The following MIA2 variants were observed in gnomAD, a reference collection of about 807,000 sequenced individuals.
MIA2 encodes the protein melanoma inhibitory activity protein 2.
MIA2 carries 127 observed loss-of-function variants against 167.8 expected under a neutral mutation model. The ratio of observed to expected loss-of-function variants is 0.76; its 90% CI spans 0.66 to 0.88. The LOEUF (loss-of-function observed/expected upper bound fraction) is 0.88. Among genes scored for constraint, MIA2 ranks in the 40% least tolerant of loss-of-function variants. The pLI, the probability that MIA2 is intolerant of heterozygous loss-of-function variation, is 0.00. For synonymous variants in MIA2, 552 were observed against 541.9 expected, an observed-to-expected ratio of 1.02 and a Z score of -0.26; for missense variants, 1,690 against 1,624.7, an observed-to-expected ratio of 1.04 and a Z score of -0.69.
downstream of MIA2, among the ~76,000 whole-genome samples, chr14:39,356,260 C>A (rs1339795994): frequency 2.0e-5 from 3 of 152,164 alleles, no homozygotes; most frequent in Admixed American, 2.0e-4. Flanking sequence ...AGAGATTCAA[C>A]TTCTTCCTGG....
At chr14:39,244,358 A>C (rs749302130) in intron 3 of MIA2, among the ~76,000 whole-genome samples, 1 of 152,178 alleles carries the variant, frequency 6.6e-6, no homozygotes, top group Admixed American at 6.5e-5. Context: ...TGATGCCTTC[A>C]TTTCAGGGGT....
intron 6 of MIA2, among the ~76,000 whole-genome samples, chr14:39,257,356 T>C (rs2054866103): frequency 6.6e-6 from 1 of 152,216 alleles, no homozygotes; most frequent in East Asian, 1.9e-4. Flanking sequence ...TTTCTTTTTT[T>C]TGATCTTTGT....
At chr14:39,291,251 G>T in intron 10 of MIA2, 155 bp downstream of exon 10, 1 of 556,704 alleles carries the variant, frequency 1.8e-6, no homozygotes, top group Non-Finnish European at 2.9e-6. Flanking sequence ...ATAGGAAATG[G>T]GACAATAGGA....
chr14:39,322,700 T>TGTACCTG (rs2066697915), intron 24 of MIA2, among the ~76,000 whole-genome samples: 1 of 152,164 alleles, frequency 6.6e-6, no homozygotes, highest in African/African-American at 2.4e-5. Flanking sequence ...AAAACTCCTG[T>TGTACCTG]GTACCTGGAG....
intron 6 of MIA2, chr14:39,265,271 G>A (rs2055414384): frequency 5.1e-6 from 4 of 783,660 alleles, no homozygotes; most frequent in Admixed American, 2.6e-5. Flanking sequence ...GTCAAAACGG[G>A]ATCACAGTGT....
At chr14:39,277,700 A>T (rs1161061946) in intron 7 of MIA2, among the ~76,000 whole-genome samples, 13 of 6,222 alleles carry the variant, frequency 2.1e-3, no homozygotes, top group African/African-American at 7.5e-3. Flanking sequence ...GTGTATATAT[A>T]TATATATATA....
At chr14:39,305,935 CAAA>C (rs11285736) in intron 17 of MIA2, among the ~76,000 whole-genome samples, 11 of 125,546 alleles carry the variant, frequency 8.8e-5, no homozygotes, top group Non-Finnish European at 1.2e-4. Context: ...GACTTTGTCT[CAAA>C]AAAAAAAAAA....
rs1466275628 is a variant in MIA2 at position 39,240,541 on chromosome 14, T to C, written c.250-20T>C. 1.3e-6 allele frequency: 2 copies of C among 1,575,238 alleles called. No individual in the cohort carries two copies. The highest frequency in any genetic ancestry group is 1.7e-6 in the Non-Finnish European group (2 of 1,146,614). On this transcript the variant is annotated intron_variant, in intron 2 of 28. Coordinates refer to ENST00000640607, the MANE Select transcript of MIA2 (RefSeq NM_001329214.4). ...CTTTGATCATTCTTCCTCGATAATC[T>C]TTGTTCTTCATTTTGACAGAAAGGA... is the stretch of plus-strand genomic sequence containing the variant.
At chr14:39,280,567 C>T (rs926766689) in intron 9 of MIA2, among the ~76,000 whole-genome samples, 1 of 151,988 alleles carries the variant, frequency 6.6e-6, no homozygotes, top group Non-Finnish European at 1.5e-5. Context: ...CCCGTCCCTA[C>T]TAAAAATACA....
intron 24 of MIA2, among the ~76,000 whole-genome samples, chr14:39,325,233 A>C (rs2067247168): frequency 6.6e-6 from 1 of 151,974 alleles, no homozygotes; most frequent in Non-Finnish European, 1.5e-5. Flanking sequence ...GTCTCAAAAA[A>C]AAAAATGTTT....
At chr14:39,377,336 A>G (rs968876353) in intron 23 of MIA2, among the ~76,000 whole-genome samples, 2 of 152,176 alleles carry the variant, frequency 1.3e-5, no homozygotes, top group African/African-American at 2.4e-5. Context: ...TATGTATATA[A>G]ATAGGTTGCT....
At chr14:39,307,244 A>C in intron 17 of MIA2, among the ~76,000 whole-genome samples, 1 of 152,102 alleles carries the variant, frequency 6.6e-6, no homozygotes, top group East Asian at 1.9e-4. Flanking sequence ...GGAATGTTGA[A>C]CTACAATATC....
At chr14:39,355,185 A>G (rs1228721667), downstream of MIA2, among the ~76,000 whole-genome samples, 3 of 151,698 alleles carry the variant, frequency 2.0e-5, no homozygotes, top group Admixed American at 6.6e-5. Context: ...CTTCCTACCC[A>G]TGAGCATGGA....
intron 23 of MIA2, chr14:39,385,937 G>C (rs2075266498): frequency 8.5e-6 from 7 of 823,984 alleles, no homozygotes; most frequent in Admixed American, 1.9e-5. Context: ...CTGGTGGGGA[G>C]AGACACACTG....
At chr14:39,240,258 A>C (rs1206412947) in intron 2 of MIA2, among the ~76,000 whole-genome samples, 1 of 152,116 alleles carries the variant, frequency 6.6e-6, no homozygotes, top group Admixed American at 6.6e-5. Context: ...TCTGCAGTTG[A>C]CCTGGACAAG....
chr14:39,279,976 T>G (rs2058682682), intron 9 of MIA2, among the ~76,000 whole-genome samples: 1 of 152,170 alleles, frequency 6.6e-6, no homozygotes, highest in Non-Finnish European at 1.5e-5. Context: ...TGTGAATTTG[T>G]GGGGACACAA....
intron 2 of MIA2, among the ~76,000 whole-genome samples, chr14:39,240,229 C>T (rs977894274): frequency 3.9e-5 from 6 of 152,088 alleles, no homozygotes; most frequent in Admixed American, 3.9e-4. Context: ...TTTTGATATC[C>T]CAGGTCTACT....
At chr14:39,289,581 G>A (rs2060447599) in intron 9 of MIA2, among the ~76,000 whole-genome samples, 1 of 152,202 alleles carries the variant, frequency 6.6e-6, no homozygotes, top group Admixed American at 6.5e-5. Context: ...GTGCAACCTA[G>A]TGGTGTAAAA....
intron 2 of MIA2, 163 bp downstream of exon 2, chr14:39,237,218 C>A (rs2053790911): frequency 1.3e-6 from 1 of 786,332 alleles, no homozygotes; most frequent in African/African-American, 1.7e-5. Context: ...GCTTCCAACT[C>A]CTGAGCTCAA....
Sources: gnomAD v4.1 joint callset for allele counts (sites outside exome capture counted in the v4.1 genomes callset) on GRCh38, gnomAD v4.1.1 for gene constraint, MANE v1.5 for transcripts, NCBI Gene and HGNC (gene_info 2026-07-23, HGNC 2026-07-21) for gene names.